NCOA1: variants seen among roughly 807,000 people sequenced by gnomAD.
NCOA1 encodes the protein Hin-2 protein.
Under a neutral mutation model 150.9 loss-of-function variants are expected in NCOA1, and 35 were observed. That is an observed-to-expected ratio of 0.23 (90% CI 0.18 to 0.31). The LOEUF (loss-of-function observed/expected upper bound fraction) is 0.31, where lower values mean the gene tolerates loss of function less well. Ranked by LOEUF, NCOA1 falls within the 10% of genes least tolerant of loss-of-function variation. The pLI is 1.00. For missense variants in NCOA1, 1,491 were observed against 1,749.3 expected, an observed-to-expected ratio of 0.85 and a Z score of 2.63; for synonymous variants, 590 against 630.0, an observed-to-expected ratio of 0.94 and a Z score of 0.95.
At chr2:24,651,890 T>A (rs2148479027) in intron 4 of NCOA1, among the ~76,000 whole-genome samples, 1 of 152,144 alleles carries the variant, frequency 6.6e-6, no homozygotes, top group African/African-American at 2.4e-5. Context: ...AACTCTTTAT[T>A]TGGTGAGGTT....
intron 3 of NCOA1, among the ~76,000 whole-genome samples, chr2:24,591,498 T>C (rs899729962): frequency 1.3e-5 from 2 of 152,222 alleles, no homozygotes; most frequent in Non-Finnish European, 2.9e-5. Flanking sequence ...TAGTGAAGGC[T>C]CAAAAAGTTA....
intron 2 of NCOA1, among the ~76,000 whole-genome samples, chr2:24,576,170 G>GTTTTTGTTTTTTTTTTTT (rs1666967476): frequency 3.0e-4 from 14 of 46,306 alleles, no homozygotes; most frequent in African/African-American, 8.9e-4. Flanking sequence ...TTTGTTTTTT[G>GTTTTTGTTTTTTTTTTTT]TTTTTTTTTT....
Position 24,588,234 on chromosome 2 carries a change from G to A in NCOA1, c.-175+3674G>A, listed in dbSNP as rs55881946. Among the ~76,000 whole-genome samples the A allele has an allele frequency of 2.5e-4, 38 of 152,152 alleles. 1 individual carries two copies. In the East Asian group the frequency reaches 5.4e-3, roughly 22 times the overall value. Reference sequence around the variant, plus strand: ...CGAGTAGCTGGGACTACAGGTGCTCGCCACCATACCCATTAATTTTTCTGT... The same window carrying A: ...CGAGTAGCTGGGACTACAGGTGCTCACCACCATACCCATTAATTTTTCTGT... On this transcript the variant is annotated intron_variant, in intron 3 of 22. Transcript: ENST00000348332.
intron 17 of NCOA1, among the ~76,000 whole-genome samples, chr2:24,737,388 G>A (rs1410521745): frequency 6.6e-6 from 1 of 152,138 alleles, no homozygotes; most frequent in African/African-American, 2.4e-5. Flanking sequence ...GAAAGTACTT[G>A]TAGATTTATG....
At chr2:24,515,438 G>A (rs1363725651) in intron 1 of NCOA1, among the ~76,000 whole-genome samples, 2 of 151,988 alleles carry the variant, frequency 1.3e-5, no homozygotes, top group African/African-American at 4.8e-5. Flanking sequence ...TTCTCACTAT[G>A]TTGCCCAGGC....
chr2:24,668,802 G>GA (rs59013840), intron 6 of NCOA1, among the ~76,000 whole-genome samples: 77,026 of 148,986 alleles, frequency 0.52, 21,253 homozygotes, highest in Admixed American at 0.67. Flanking sequence ...TTTCCATAGG[G>GA]AAAAAAAAAA....
intron 3 of NCOA1, among the ~76,000 whole-genome samples, chr2:24,590,562 C>G (rs979968036): frequency 3.9e-5 from 6 of 152,114 alleles, no homozygotes; most frequent in Non-Finnish European, 5.9e-5. Flanking sequence ...ATATGTCTCA[C>G]ATTCTTTTTA....
intron 20 of NCOA1, among the ~76,000 whole-genome samples, chr2:24,753,039 A>G (rs887727495): frequency 1.3e-5 from 2 of 152,226 alleles, no homozygotes; most frequent in East Asian, 1.9e-4. Context: ...ACACAAGACT[A>G]TATTCTTCTA....
intron 2 of NCOA1, among the ~76,000 whole-genome samples, chr2:24,578,053 A>G (rs1437996257): frequency 6.6e-6 from 1 of 152,108 alleles, no homozygotes; most frequent in East Asian, 1.9e-4. Context: ...ATACCTCACA[A>G]CGTACTCTTT....
intron 3 of NCOA1, among the ~76,000 whole-genome samples, chr2:24,634,247 A>G (rs1669835001): frequency 6.6e-6 from 1 of 152,106 alleles, no homozygotes; most frequent in South Asian, 2.1e-4. Flanking sequence ...GAGTATGGGG[A>G]CTTTAGCTTT....
At chr2:24,571,345 A>G (rs77012907) in intron 2 of NCOA1, among the ~76,000 whole-genome samples, 8,541 of 152,244 alleles carry the variant, frequency 0.056, 327 homozygotes, top group Non-Finnish European at 0.08. Context: ...TATTTCTGAT[A>G]ATTTCTTGAG....
chr2:24,763,194 G>A (rs1434963681), intron 22 of NCOA1, among the ~76,000 whole-genome samples: 1 of 152,160 alleles, frequency 6.6e-6, no homozygotes, highest in Non-Finnish European at 1.5e-5. Flanking sequence ...TAAGAAGTAT[G>A]TTTCAAAACA....
At chr2:24,703,542 A>C (rs1673267509) in intron 11 of NCOA1, among the ~76,000 whole-genome samples, 1 of 152,248 alleles carries the variant, frequency 6.6e-6, no homozygotes, top group Admixed American at 6.5e-5. Context: ...CCTAGTTTAG[A>C]TACATTATAT....
At chr2:24,666,346 A>G (rs1276775219) in intron 6 of NCOA1, among the ~76,000 whole-genome samples, 2 of 152,130 alleles carry the variant, frequency 1.3e-5, no homozygotes, top group African/African-American at 2.4e-5. Context: ...TATATTGAAC[A>G]TTATAATTTT....
At chr2:24,494,327 C>G (rs955496363) in intron 1 of NCOA1, among the ~76,000 whole-genome samples, 1 of 152,180 alleles carries the variant, frequency 6.6e-6, no homozygotes, top group African/African-American at 2.4e-5. Flanking sequence ...TCATATACCT[C>G]CTCTTAGATA....
intron 8 of NCOA1, among the ~76,000 whole-genome samples, chr2:24,688,462 G>A (rs533837554): frequency 6.6e-6 from 1 of 152,240 alleles, no homozygotes; most frequent in Admixed American, 6.5e-5. Flanking sequence ...GTGTGAGATA[G>A]TATCTCATTG....
At chr2:24,557,256 A>C (rs1357691096) in intron 1 of NCOA1, among the ~76,000 whole-genome samples, 2 of 152,076 alleles carry the variant, frequency 1.3e-5, no homozygotes, top group African/African-American at 2.4e-5. Flanking sequence ...CTTCCTTTAA[A>C]TAATATTATG....
In NCOA1 at chr2:24,768,700, C is replaced by G. The variant is rs17737058; in HGVS notation, c.*309C>G. 0.18 allele frequency: 41,593 copies of G among 231,386 alleles called. 4,172 individuals carry two copies. The highest frequency in any genetic ancestry group is 0.21 in the Non-Finnish European group (25,124 of 117,192). 14.3% of individuals were successfully genotyped at this position (231,386 alleles called of 1,614,324 possible). Reference sequence around the variant, plus strand: ...TTGTAATCAGTCATTGGCTTCTTATCTGGATGAAGGCTTTTGGAGGAGAAC... The same window carrying G: ...TTGTAATCAGTCATTGGCTTCTTATGTGGATGAAGGCTTTTGGAGGAGAAC... On this transcript the variant is annotated 3_prime_UTR_variant, in exon 23 of 23. Coordinates refer to ENST00000348332, the MANE Select transcript of NCOA1 (RefSeq NM_003743.5).
At chr2:24,651,124 T>C (rs781286798) in intron 4 of NCOA1, among the ~76,000 whole-genome samples, 5 of 152,070 alleles carry the variant, frequency 3.3e-5, no homozygotes, top group Non-Finnish European at 5.9e-5. Context: ...GCAGCCATTA[T>C]GAAAAACAGT....
Sources: gnomAD v4.1 joint callset for allele counts (sites outside exome capture counted in the v4.1 genomes callset) on GRCh38, gnomAD v4.1.1 for gene constraint, MANE v1.5 for transcripts, NCBI Gene and HGNC (gene_info 2026-07-23, HGNC 2026-07-21) for gene names.